Variants in CACNA2D3 observed in about 807,000 individuals in gnomAD.
CACNA2D3 encodes the protein calcium voltage-gated channel auxiliary subunit alpha2delta 3.
In CACNA2D3, 60 loss-of-function variants were observed where a neutral mutation model predicts 160.6. The ratio of observed to expected loss-of-function variants is 0.37; its 90% CI spans 0.30 to 0.46. CACNA2D3 has a LOEUF of 0.46. Among genes scored for constraint, CACNA2D3 ranks in the 20% least tolerant of loss-of-function variants. The pLI is 1.00. For missense variants in CACNA2D3, 1,205 were observed against 1,365.0 expected, an observed-to-expected ratio of 0.88 and a Z score of 1.85; for synonymous variants, 558 against 492.9, an observed-to-expected ratio of 1.13 and a Z score of -1.75.
At chr3:54,862,128 A>G (rs1024757336) in intron 17 of CACNA2D3, among the ~76,000 whole-genome samples, 2 of 152,194 alleles carry the variant, frequency 1.3e-5, no homozygotes, top group South Asian at 2.1e-4. Flanking sequence ...ATATGTGTAC[A>G]AAGTGGTCAC....
At chr3:54,617,583 C>T (rs1189519676) in intron 9 of CACNA2D3, among the ~76,000 whole-genome samples, 5 of 152,090 alleles carry the variant, frequency 3.3e-5, no homozygotes, top group Non-Finnish European at 7.4e-5. Flanking sequence ...CCAGATTTTG[C>T]AAAACAAACA....
At chr3:54,308,918 A>G (rs557875859) in intron 2 of CACNA2D3, among the ~76,000 whole-genome samples, 2 of 152,372 alleles carry the variant, frequency 1.3e-5, no homozygotes, top group Admixed American at 6.5e-5. Flanking sequence ...AGCAATCTAT[A>G]TGAAGTAGTG....
chr3:54,625,497 T>C (rs565134419), intron 9 of CACNA2D3, among the ~76,000 whole-genome samples: 1 of 152,178 alleles, frequency 6.6e-6, no homozygotes, highest in Admixed American at 6.5e-5. Context: ...ACTGTATTTT[T>C]TAAGGGCCTA....
intron 27 of CACNA2D3, among the ~76,000 whole-genome samples, chr3:54,953,395 G>T (rs1469800147): frequency 6.6e-6 from 1 of 152,100 alleles, no homozygotes; most frequent in African/African-American, 2.4e-5. Flanking sequence ...GTAACACTAC[G>T]GCTTCTTACC....
intron 4 of CACNA2D3, among the ~76,000 whole-genome samples, chr3:54,405,468 G>A (rs1280651874): frequency 6.6e-6 from 1 of 151,948 alleles, no homozygotes; most frequent in East Asian, 1.9e-4. Context: ...GACACAATGG[G>A]GGAAAGAATA....
At chr3:54,712,412 G>T (rs1356730000) in intron 11 of CACNA2D3, among the ~76,000 whole-genome samples, 1 of 152,162 alleles carries the variant, frequency 6.6e-6, no homozygotes. Context: ...CGTTGTGGGA[G>T]GGACCTGGTG....
chr3:54,976,837 G>A (rs890219362), intron 29 of CACNA2D3, among the ~76,000 whole-genome samples: 4 of 152,182 alleles, frequency 2.6e-5, no homozygotes, highest in Admixed American at 6.5e-5. Context: ...CAGGGCAGAC[G>A]CCTGAGAAGT....
chr3:54,805,753 AG>A (rs1703105502), intron 13 of CACNA2D3, among the ~76,000 whole-genome samples: 1 of 152,232 alleles, frequency 6.6e-6, no homozygotes, highest in Admixed American at 6.5e-5. Context: ...CAACCAAAAA[AG>A]AGAATTTTAG....
At chr3:54,758,972 T>G (rs1047540828) in intron 12 of CACNA2D3, among the ~76,000 whole-genome samples, 1 of 152,188 alleles carries the variant, frequency 6.6e-6, no homozygotes, top group Non-Finnish European at 1.5e-5. Flanking sequence ...TATTTAATGA[T>G]TCACCACAGG....
chr3:54,827,102 A>G (rs138700055), intron 14 of CACNA2D3, among the ~76,000 whole-genome samples: 95 of 152,322 alleles, frequency 6.2e-4, no homozygotes, highest in African/African-American at 2.2e-3. Context: ...TTGTCTTTGC[A>G]CCCCAAAACA....
At chr3:54,195,279 A>G (rs1362392338) in intron 2 of CACNA2D3, among the ~76,000 whole-genome samples, 1 of 152,126 alleles carries the variant, frequency 6.6e-6, no homozygotes. Context: ...GTTCCTTAAC[A>G]TGCCTCCCCA....
chr3:54,467,601 T>C (rs1427129859), intron 4 of CACNA2D3, among the ~76,000 whole-genome samples: 1 of 152,192 alleles, frequency 6.6e-6, no homozygotes. Context: ...TCTGGAGACA[T>C]TATATTGAGT....
chr3:54,506,878 A>G (rs945122546), intron 5 of CACNA2D3, among the ~76,000 whole-genome samples: 3 of 152,226 alleles, frequency 2.0e-5, no homozygotes, highest in African/African-American at 7.2e-5. Flanking sequence ...TGCTTTTGCA[A>G]GAACTGCTGA....
chr3:54,528,472 C>T (rs1426432801), intron 5 of CACNA2D3, among the ~76,000 whole-genome samples: 2 of 151,692 alleles, frequency 1.3e-5, no homozygotes, highest in Non-Finnish European at 1.5e-5. Context: ...ACTTGGATGT[C>T]CTGGTTTCCT....
intron 2 of CACNA2D3, among the ~76,000 whole-genome samples, chr3:54,278,014 G>A (rs1021700905): frequency 1.3e-5 from 2 of 152,164 alleles, no homozygotes; most frequent in Non-Finnish European, 2.9e-5. Context: ...AACTAAAGAA[G>A]CTTTTGCACA....
intron 2 of CACNA2D3, among the ~76,000 whole-genome samples, chr3:54,132,590 T>G (rs1699734443): frequency 1.3e-5 from 2 of 152,244 alleles, no homozygotes; most frequent in African/African-American, 4.8e-5. Flanking sequence ...TATAGAGCCA[T>G]AGCTGGATTT....
chr3:54,369,437 C>G (rs1698884991), intron 3 of CACNA2D3, among the ~76,000 whole-genome samples: 1 of 152,184 alleles, frequency 6.6e-6, no homozygotes, highest in Non-Finnish European at 1.5e-5. Context: ...AGGAACCGGA[C>G]AAGTCAGGGC....
At chr3:54,855,279 CCTACTAGT>C (rs755888623) in intron 17 of CACNA2D3, among the ~76,000 whole-genome samples, 64 of 152,272 alleles carry the variant, frequency 4.2e-4, no homozygotes, top group Middle Eastern at 6.8e-3. Context: ...GCTTCATAAG[CCTACTAGT>C]CTCCGGGCTC....
chr3:54,380,726 C>CAAAAAACG (rs1553641441), intron 3 of CACNA2D3, among the ~76,000 whole-genome samples: 16 of 150,848 alleles, frequency 1.1e-4, no homozygotes, highest in Non-Finnish European at 2.2e-4. Context: ...GTCTCAAAAA[C>CAAAAAACG]AAAAAACAAA....
Sources: allele counts gnomAD v4.1 joint callset (sites outside exome capture counted in the v4.1 genomes callset), GRCh38; gene constraint gnomAD v4.1.1; transcripts MANE v1.5; gene names NCBI Gene and HGNC (gene_info 2026-07-23, HGNC 2026-07-21).